IKZF1: variants seen among roughly 807,000 people sequenced by gnomAD.
IKZF1 encodes DNA-binding protein Ikaros.
IKZF1 carries 10 observed loss-of-function variants against 51.7 expected under a neutral mutation model. The observed-to-expected ratio is 0.19, with a 90% CI of 0.12 to 0.33. The LOEUF is 0.33. Ranked by LOEUF, IKZF1 falls within the 10% of genes least tolerant of loss-of-function variation. The probability of loss-of-function intolerance (pLI) is 1.00; values close to 1 mark genes in which losing one functional copy is unlikely to be tolerated. For synonymous variants in IKZF1, 280 were observed against 282.3 expected, an observed-to-expected ratio of 0.99 and a Z score of 0.08; for missense variants, 484 against 707.5, an observed-to-expected ratio of 0.68 and a Z score of 3.58.
intron 1 of IKZF1, among the ~76,000 whole-genome samples, chr7:50,308,063 C>T (rs973701191): frequency 1.3e-5 from 2 of 152,148 alleles, no homozygotes; most frequent in Non-Finnish European, 2.9e-5. Flanking sequence ...GTTTCAGTGT[C>T]GTCACTTTAG....
At chr7:50,392,505 G>C (rs1182111532) in intron 7 of IKZF1, among the ~76,000 whole-genome samples, 4 of 152,170 alleles carry the variant, frequency 2.6e-5, no homozygotes, top group African/African-American at 9.7e-5. Context: ...AGTGAGCCAG[G>C]GTCCGAGTGG....
intron 4 of IKZF1, chr7:50,377,039 A>T (rs1470461266): frequency 5.0e-6 from 3 of 595,876 alleles, no homozygotes; most frequent in Non-Finnish European, 8.5e-6. Flanking sequence ...AGTGAACAGC[A>T]TCACATGAGA....
intron 7 of IKZF1, among the ~76,000 whole-genome samples, chr7:50,395,842 A>G (rs1359587835): frequency 6.6e-6 from 1 of 152,174 alleles, no homozygotes. Flanking sequence ...GCATTTTGAC[A>G]GAGTCTATGG....
chr7:50,381,388 A>G (rs1811800907), intron 4 of IKZF1, among the ~76,000 whole-genome samples: 1 of 152,258 alleles, frequency 6.6e-6, no homozygotes, highest in Admixed American at 6.5e-5. Context: ...TCTTCTAAAT[A>G]AAGCATTTGT....
intron 3 of IKZF1, among the ~76,000 whole-genome samples, chr7:50,342,174 A>G (rs890232422): frequency 5.3e-5 from 8 of 152,372 alleles, no homozygotes; most frequent in Non-Finnish European, 7.3e-5. Context: ...ATCTAGGTCC[A>G]GTCCAATTTT....
chr7:50,347,220 A>T (rs1800597324), intron 3 of IKZF1, among the ~76,000 whole-genome samples: 1 of 152,216 alleles, frequency 6.6e-6, no homozygotes, highest in South Asian at 2.1e-4. Flanking sequence ...GCTCCATGAG[A>T]TGCCTAGTTA....
intron 5 of IKZF1, among the ~76,000 whole-genome samples, chr7:50,386,107 T>C (rs1813309006): frequency 6.6e-6 from 1 of 152,268 alleles, no homozygotes; most frequent in Admixed American, 6.5e-5. Context: ...TGCTATTAGG[T>C]TGGAAATTGA....
chr7:50,319,744 GC>G (rs1416867398), intron 2 of IKZF1, among the ~76,000 whole-genome samples: 1 of 152,238 alleles, frequency 6.6e-6, no homozygotes, highest in Non-Finnish European at 1.5e-5. Flanking sequence ...AGAGGCGTCA[GC>G]CCCAGTAGCA....
chr7:50,403,928 A>G lies in IKZF1; in HGVS notation c.*3301A>G, dbSNP rs998335861. On this transcript the variant is annotated 3_prime_UTR_variant, in exon 8 of 8. Coordinates refer to ENST00000331340, the MANE Select transcript of IKZF1 (RefSeq NM_006060.6). ...TGTAGACAAATCGTGATGCCAGTGTATCCTTCCTTTCTTCAGTTCCAGCAA... is the reference window on the plus strand; with the variant it reads ...TGTAGACAAATCGTGATGCCAGTGTGTCCTTCCTTTCTTCAGTTCCAGCAA... The G allele has an allele frequency of 4.6e-6, 1 of 216,280 alleles. No homozygotes were observed. The highest frequency in any genetic ancestry group is 6.8e-5 in the East Asian group (1 of 14,652). The allele number at this position is 216,280 out of a possible 1,614,324, so 13.4% of individuals were successfully genotyped here. A position where few individuals can be genotyped will look rare whatever the true frequency, so the allele number is the denominator to read the frequency against.
intron 3 of IKZF1, among the ~76,000 whole-genome samples, chr7:50,341,145 C>CTTT (rs1330095012): frequency 1.7e-4 from 23 of 133,788 alleles, no homozygotes; most frequent in South Asian, 7.4e-4. Flanking sequence ...GGTATGGAGT[C>CTTT]TTTTTTTTTT....
chr7:50,373,013 C>A (rs1809170052), intron 3 of IKZF1, among the ~76,000 whole-genome samples: 1 of 152,244 alleles, frequency 6.6e-6, no homozygotes, highest in Non-Finnish European at 1.5e-5. Flanking sequence ...GTGACAGTGT[C>A]ATTGAGGCTA....
Position 50,400,914 on chromosome 7 carries a change from C to A in IKZF1, c.*287C>A. ...CTGAGATTCCCTCACCTGTCGCTTC[C>A]TAGAATCCCCTTCTCCAAACGATTA... is the stretch of plus-strand genomic sequence containing the variant. On this transcript the variant is annotated 3_prime_UTR_variant, in exon 8 of 8. Coordinates refer to ENST00000331340, the MANE Select transcript of IKZF1 (RefSeq NM_006060.6). The surrounding 1 kb of genome is among the most constrained non-coding windows in gnomAD (Gnocchi z 5.4). 2.1e-6 allele frequency: 1 copy of A among 486,978 alleles called. No individual in the cohort carries two copies. Among genetic ancestry groups the A allele is most frequent in the Non-Finnish European group, 3.7e-6 (1 of 273,562 alleles). 30.2% of individuals were successfully genotyped at this position (486,978 alleles called of 1,614,324 possible).
At chr7:50,349,071 C>T (rs1038558739) in intron 3 of IKZF1, among the ~76,000 whole-genome samples, 3 of 152,168 alleles carry the variant, frequency 2.0e-5, no homozygotes, top group Non-Finnish European at 2.9e-5. Flanking sequence ...ATCTTCCCAT[C>T]GCACAACTGG....
At chr7:50,359,735 C>T (rs1421466704) in intron 3 of IKZF1, among the ~76,000 whole-genome samples, 1 of 152,240 alleles carries the variant, frequency 6.6e-6, no homozygotes, top group Admixed American at 6.5e-5. Flanking sequence ...ATTCCACGCT[C>T]CTCAGCCCCT....
intron 3 of IKZF1, among the ~76,000 whole-genome samples, chr7:50,333,726 T>A (rs1273171243): frequency 1.3e-5 from 2 of 152,234 alleles, no homozygotes. Flanking sequence ...ACTGAAAGCA[T>A]ATTATTTGGA....
chr7:50,384,210 G>A (rs1389471760), intron 5 of IKZF1, among the ~76,000 whole-genome samples: 7 of 152,182 alleles, frequency 4.6e-5, no homozygotes, highest in African/African-American at 1.4e-4. Context: ...AGAGGGGTGC[G>A]GCACCCATGT....
chr7:50,391,971 C>A, intron 7 of IKZF1, 108 bp downstream of exon 7: 1 of 1,408,284 alleles, frequency 7.1e-7, no homozygotes, highest in Non-Finnish European at 9.4e-7. Flanking sequence ...CTTATTTTTT[C>A]AAAAGGAAAA....
At chr7:50,319,349 T>G (rs1454539954) in intron 2 of IKZF1, among the ~76,000 whole-genome samples, 1 of 152,100 alleles carries the variant, frequency 6.6e-6, no homozygotes, top group Non-Finnish European at 1.5e-5. Flanking sequence ...CGGGAAGAGT[T>G]AAATACATTT....
At chr7:50,319,238 C>A in intron 2 of IKZF1, 137 bp downstream of exon 2, 1 of 610,784 alleles carries the variant, frequency 1.6e-6, no homozygotes. Flanking sequence ...TGGAATTTGC[C>A]TGAGTGTTTC....
Sources: gnomAD v4.1 joint callset for allele counts (sites outside exome capture counted in the v4.1 genomes callset) on GRCh38, gnomAD v4.1.1 for gene constraint, Gnocchi (gnomAD v3.1) non-coding constraint, MANE v1.5 for transcripts, NCBI Gene and HGNC (gene_info 2026-07-23, HGNC 2026-07-21) for gene names.